Variants in TMEM132C observed in about 807,000 individuals in gnomAD.
TMEM132C encodes the protein transmembrane protein 132C, also known as protein phosphatase 1, regulatory subunit 152.
TMEM132C carries 29 observed loss-of-function variants against 61.4 expected under a neutral mutation model. The observed-to-expected ratio is 0.47, with a 90% CI of 0.35 to 0.64. The LOEUF (loss-of-function observed/expected upper bound fraction) is 0.64, where lower values mean the gene tolerates loss of function less well. Ranked by LOEUF, TMEM132C falls within the 30% of genes least tolerant of loss-of-function variation. The probability of loss-of-function intolerance (pLI) is 0.00; values close to 1 mark genes in which losing one functional copy is unlikely to be tolerated. For missense variants in TMEM132C, 1,408 were observed against 1,476.9 expected, an observed-to-expected ratio of 0.95 and a Z score of 0.76; for synonymous variants, 656 against 633.1, an observed-to-expected ratio of 1.04 and a Z score of -0.54.
chr12:128,487,405 C>T (rs1393136440), intron 2 of TMEM132C, among the ~76,000 whole-genome samples: 1 of 152,054 alleles, frequency 6.6e-6, no homozygotes. Flanking sequence ...ACACCAACTG[C>T]CCCAAAATGA....
intron 3 of TMEM132C, among the ~76,000 whole-genome samples, chr12:128,559,047 C>T (rs1016305400): frequency 1.3e-5 from 2 of 152,012 alleles, no homozygotes; most frequent in Non-Finnish European, 2.9e-5. Flanking sequence ...AGGTGATCAA[C>T]ATTTGCAGTT....
intron 1 of TMEM132C, among the ~76,000 whole-genome samples, chr12:128,286,278 A>G (rs1248486905): frequency 6.6e-6 from 1 of 152,142 alleles, no homozygotes; most frequent in Non-Finnish European, 1.5e-5. Flanking sequence ...TCAGGAAACG[A>G]CTCTGCCTTG....
At chr12:128,475,767 C>T (rs1042304661) in intron 2 of TMEM132C, among the ~76,000 whole-genome samples, 1 of 152,192 alleles carries the variant, frequency 6.6e-6, no homozygotes, top group African/African-American at 2.4e-5. Flanking sequence ...GCAACACTGG[C>T]GTCAGGGTTC....
At chr12:128,508,856 A>C (rs995581666) in intron 2 of TMEM132C, among the ~76,000 whole-genome samples, 1 of 152,170 alleles carries the variant, frequency 6.6e-6, no homozygotes, top group Non-Finnish European at 1.5e-5. Flanking sequence ...ACCATATCAT[A>C]TCATGTCATG....
At chr12:128,610,942 T>C (rs1032187292) in intron 3 of TMEM132C, among the ~76,000 whole-genome samples, 5 of 152,116 alleles carry the variant, frequency 3.3e-5, no homozygotes, top group Admixed American at 1.3e-4. Flanking sequence ...TTCAAAAGTG[T>C]GCCTGAATGG....
In TMEM132C at chr12:128,422,573, T is replaced by C. The variant is rs532291096; in HGVS notation, c.974+6953T>C. On this transcript the variant is annotated intron_variant, in intron 2 of 8. Transcript: ENST00000435159. The stretch of plus-strand genomic sequence containing the variant: ...TAAGAGAGTCATAAAGCGTCACTCC[T>C]GACTGGGAGATTATACTCTGCTGCT... Among the ~76,000 whole-genome samples, 4 of 152,348 alleles carry C rather than the reference T, an allele frequency of 2.6e-5. No homozygotes were observed. The South Asian group carries it at 6.2e-4, about 24-fold the overall frequency.
intron 2 of TMEM132C, among the ~76,000 whole-genome samples, chr12:128,508,508 G>T (rs79010975): frequency 0.015 from 2,331 of 152,262 alleles, 61 homozygotes; most frequent in African/African-American, 0.051. Flanking sequence ...GGGTCCTGCT[G>T]CCTGGGCTCA....
chr12:128,327,018 A>G (rs557392375), intron 1 of TMEM132C, among the ~76,000 whole-genome samples: 1 of 149,948 alleles, frequency 6.7e-6, no homozygotes, highest in East Asian at 1.9e-4. Flanking sequence ...TTTATCCCCA[A>G]CCTTTTTGTC....
intron 1 of TMEM132C, among the ~76,000 whole-genome samples, chr12:128,309,229 C>G (rs1222374512): frequency 6.6e-6 from 1 of 152,184 alleles, no homozygotes; most frequent in Admixed American, 6.5e-5. Context: ...CAAAATAAAG[C>G]AGAAAGATTT....
intron 3 of TMEM132C, among the ~76,000 whole-genome samples, chr12:128,548,125 A>G (rs1464440822): frequency 6.6e-6 from 1 of 152,198 alleles, no homozygotes; most frequent in Admixed American, 6.5e-5. Flanking sequence ...TGATGCCTCA[A>G]GGGCTCTGAA....
At chr12:128,466,887 T>C (rs1479099822) in intron 2 of TMEM132C, among the ~76,000 whole-genome samples, 3 of 152,192 alleles carry the variant, frequency 2.0e-5, no homozygotes, top group African/African-American at 7.2e-5. Flanking sequence ...GACACTTGGC[T>C]ACATAGGGGA....
chr12:128,491,423 G>A (rs1871716241), intron 2 of TMEM132C, among the ~76,000 whole-genome samples: 1 of 152,184 alleles, frequency 6.6e-6, no homozygotes, highest in Non-Finnish European at 1.5e-5. Context: ...TCTCAGCAAT[G>A]TCAGTGGGCT....
chr12:128,565,783 G>A (rs2136166896), intron 3 of TMEM132C, among the ~76,000 whole-genome samples: 2 of 151,784 alleles, frequency 1.3e-5, no homozygotes, highest in South Asian at 4.2e-4. Context: ...CATCTATTTG[G>A]GGATCCCTTT....
In TMEM132C at chr12:128,480,731, C is replaced by T. The variant is rs140481470; in HGVS notation, c.975-63226C>T. Among the ~76,000 whole-genome samples the T allele has an allele frequency of 4.8e-3, 726 of 152,288 alleles. 4 individuals are homozygous for T. The highest frequency in any genetic ancestry group is 0.017 in the African/African-American group (701 of 41,550). The stretch of plus-strand genomic sequence containing the variant: ...CCAATCAGGAGTGTGACTGTGAGAC[C>T]TGAACAGCCTCCCCCTGGGCCAGGC... On this transcript the variant is annotated intron_variant, in intron 2 of 8. Transcript: ENST00000435159.
intron 2 of TMEM132C, among the ~76,000 whole-genome samples, chr12:128,441,238 A>G (rs1057468515): frequency 5.9e-5 from 9 of 152,208 alleles, no homozygotes; most frequent in African/African-American, 1.9e-4. Context: ...GGTCAACCTC[A>G]TCAGACAGGG....
At chr12:128,406,224 A>G (rs908090004) in intron 1 of TMEM132C, among the ~76,000 whole-genome samples, 2 of 152,100 alleles carry the variant, frequency 1.3e-5, no homozygotes, top group South Asian at 2.1e-4. Context: ...ATTTTCCCTC[A>G]TTGTACACCT....
intron 2 of TMEM132C, among the ~76,000 whole-genome samples, chr12:128,473,475 C>T (rs1871046125): frequency 7.0e-6 from 1 of 143,018 alleles, no homozygotes; most frequent in African/African-American, 2.6e-5. Flanking sequence ...TCTTCATCTG[C>T]ACTCCAGCTT....
chr12:128,645,169 A>C (rs1954186689), intron 4 of TMEM132C, among the ~76,000 whole-genome samples: 1 of 152,136 alleles, frequency 6.6e-6, no homozygotes, highest in Non-Finnish European at 1.5e-5. Context: ...GGTTGTGCCC[A>C]AGCCACCGTC....
intron 1 of TMEM132C, among the ~76,000 whole-genome samples, chr12:128,413,478 C>T (rs1236801630): frequency 6.6e-6 from 1 of 151,826 alleles, no homozygotes; most frequent in Non-Finnish European, 1.5e-5. Flanking sequence ...TTTTCATTCT[C>T]AGCAGCAATA....
Sources: gnomAD v4.1 joint callset for allele counts (sites outside exome capture counted in the v4.1 genomes callset) on GRCh38, gnomAD v4.1.1 for gene constraint, MANE v1.5 for transcripts, NCBI Gene and HGNC (gene_info 2026-07-23, HGNC 2026-07-21) for gene names.